Variants in TMEM240 observed in about 807,000 individuals in gnomAD.
TMEM240 encodes transmembrane protein C1orf70.
In TMEM240, 3 loss-of-function variants were observed where a neutral mutation model predicts 19.5. That is an observed-to-expected ratio of 0.15 (90% confidence interval 0.07 to 0.40). TMEM240 has a LOEUF of 0.40. TMEM240 is among the 10% of genes least tolerant of loss of function. The probability of loss-of-function intolerance (pLI) is 1.00; values close to 1 mark genes in which losing one functional copy is unlikely to be tolerated. For synonymous variants in TMEM240, 123 were observed against 109.3 expected (o/e 1.13, Z -0.78); for missense variants, 210 against 253.5 (o/e 0.83, Z 1.17).
At chr1:1,540,040 CAGGCCGGGGTGGGGGGAGCGT>C (rs1489834278) in intron 1 of TMEM240, among the ~76,000 whole-genome samples, 3 of 41,920 alleles carry the variant, frequency 7.2e-5, no homozygotes, top group African/African-American at 1.0e-4. Context: ...GGGGGAAGCG[CAGGCCGGGGTGGGGGGAGCGT>C]AGGCCGGAGA....
At position 1,535,894 on chromosome 1, in the gene TMEM240, GCCGCCCT is replaced by G. The variant is rs2100695759; in HGVS notation, c.165-104_165-98del. 21 of 679,874 alleles carry G rather than the reference GCCGCCCT, an allele frequency of 3.1e-5. No individual in the cohort carries two copies. Among genetic ancestry groups the G allele is most frequent in the East Asian group, 5.5e-5 (1 of 18,322 alleles). The allele number at this position is 679,874 out of a possible 1,614,324, so 42.1% of individuals were successfully genotyped here. A position where few individuals can be genotyped will look rare whatever the true frequency, so the allele number is the denominator to read the frequency against. ...CGTGGTGGGGGTGTGACCGCGTCAG[GCCGCCCT>G]GGGGGTTCTCTGAAGCAGCCTCTTG... On this transcript the variant is annotated intron_variant, in intron 2 of 3. Coordinates refer to ENST00000378733, the MANE Select transcript of TMEM240 (RefSeq NM_001114748.2). This position sits in a 1 kb window ranked among gnomAD's most constrained non-coding sequence, Gnocchi z 8.2.
In TMEM240 at chr1:1,540,284, G is replaced by A; in HGVS notation, c.57+6C>T. ...GGGGGCGCGCGCGGGAAGCCCCTCC[G>A]CTCACCATCACGACCGACGCCCCCA... On this transcript the variant is annotated splice_donor_region_variant and intron_variant, in intron 1 of 3. Coordinates refer to ENST00000378733, the MANE Select transcript of TMEM240 (RefSeq NM_001114748.2). The A allele has an allele frequency of 7.5e-7, 1 of 1,335,838 alleles. No homozygotes were observed. Among genetic ancestry groups the A allele is most frequent in the Middle Eastern group, 2.0e-4 (1 of 4,888 alleles). The allele number at this position is 1,335,838 out of a possible 1,614,324, so 82.7% of individuals were successfully genotyped here. A position where few individuals can be genotyped will look rare whatever the true frequency, so the allele number is the denominator to read the frequency against.
At chr1:1,539,653 C>A (rs1642270847) in intron 2 of TMEM240, 31 bp downstream of exon 2, 1 of 1,526,624 alleles carries the variant, frequency 6.6e-7, no homozygotes, top group African/African-American at 1.4e-5. Context: ...TGCGCTCACG[C>A]GTGTCGAGCC....
intron 2 of TMEM240, among the ~76,000 whole-genome samples, chr1:1,537,517 G>A (rs1279992218): frequency 1.3e-5 from 2 of 152,092 alleles, no homozygotes; most frequent in African/African-American, 2.4e-5. Context: ...GCTGGCCTGG[G>A]TACCTGTAGC....
intron 1 of TMEM240, 94 bp downstream of exon 1, chr1:1,540,196 G>T: frequency 1.2e-6 from 1 of 803,524 alleles, no homozygotes; most frequent in Non-Finnish European, 1.7e-6. Flanking sequence ...GGGGAGCGCA[G>T]GCCGCACGGG....
chr1:1,540,193 G>A (rs1292246533), intron 1 of TMEM240, 97 bp downstream of exon 1: 39 of 700,176 alleles, frequency 5.6e-5, no homozygotes, highest in Non-Finnish European at 6.5e-5. Context: ...GGAGGGGAGC[G>A]CAGGCCGCAC....
rs1642222880 is a variant in TMEM240, at chr1:1,536,431, G to A, written c.165-634C>T. Among the ~76,000 whole-genome samples the A allele has an allele frequency of 6.6e-6, 1 of 152,158 alleles. No homozygotes were observed. The highest frequency in any genetic ancestry group is 1.5e-5 in the Non-Finnish European group (1 of 68,014). Reference sequence around the variant, plus strand: ...GCACCCCATCCTCTCCCCTTCCTGGGGGACGCCCCCTTGCCCTTGCCTGGC... The same window carrying A: ...GCACCCCATCCTCTCCCCTTCCTGGAGGACGCCCCCTTGCCCTTGCCTGGC... On this transcript the variant is annotated intron_variant, in intron 2 of 3. Coordinates refer to ENST00000378733, the MANE Select transcript of TMEM240 (RefSeq NM_001114748.2). The surrounding 1 kb of genome is among the most constrained non-coding windows in gnomAD (Gnocchi z 5.4).
At chr1:1,539,625 T>A in intron 2 of TMEM240, 59 bp downstream of exon 2, 1 of 1,457,798 alleles carries the variant, frequency 6.9e-7, no homozygotes, top group Non-Finnish European at 9.4e-7. Context: ...GCGCCCCGAG[T>A]GGGCCCCGCC....
At position 1,535,234 on chromosome 1, in the gene TMEM240, A is replaced by C; in HGVS notation, c.*125T>G. On this transcript the variant is annotated 3_prime_UTR_variant, in exon 4 of 4. Coordinates refer to ENST00000378733, the MANE Select transcript of TMEM240 (RefSeq NM_001114748.2). This position sits in a 1 kb window ranked among gnomAD's most constrained non-coding sequence, Gnocchi z 8.2. ...TTCCACTGGACTCTCCCGGCCGGCC[A>C]CAGCCCCGGACAACCTGGGCCCAGG... is the stretch of plus-strand genomic sequence containing the variant. 1.1e-6 allele frequency: 1 copy of C among 943,450 alleles called. No homozygotes were observed. The highest frequency in any genetic ancestry group is 1.4e-6 in the Non-Finnish European group (1 of 706,322). The allele number at this position is 943,450 out of a possible 1,614,324, so 58.4% of individuals were successfully genotyped here. A position where few individuals can be genotyped will look rare whatever the true frequency, so the allele number is the denominator to read the frequency against.
rs371563411 is a variant in TMEM240, at chr1:1,535,355, C to A, written c.*4G>T. Reference sequence around the variant, plus strand: ...TCGGTGGCCCCGGTAAGTCCCCGTGCGGCTCACAGGTGCCGCGGGCTGGGG... The same window carrying A: ...TCGGTGGCCCCGGTAAGTCCCCGTGAGGCTCACAGGTGCCGCGGGCTGGGG... On this transcript the variant is annotated 3_prime_UTR_variant, in exon 4 of 4. Transcript: ENST00000378733. The surrounding 1 kb of genome is among the most constrained non-coding windows in gnomAD (Gnocchi z 8.2). The A allele has an allele frequency of 1.9e-6, 3 of 1,548,694 alleles. No individual in the cohort carries two copies. Among genetic ancestry groups the A allele is most frequent in the African/African-American group, 2.7e-5 (2 of 72,802 alleles).
intron 2 of TMEM240, 121 bp downstream of exon 2, chr1:1,539,563 C>T: frequency 1.2e-6 from 1 of 827,736 alleles, no homozygotes; most frequent in Non-Finnish European, 1.9e-6. Context: ...GCGCACCTGG[C>T]AGCCCTCAAG....
chr1:1,535,072 G>T lies in TMEM240; in HGVS notation c.*287C>A, dbSNP rs1369703915. 18 of 26,200 alleles carry T rather than the reference G, an allele frequency of 6.9e-4. No homozygotes were observed. Among genetic ancestry groups the T allele is most frequent in the Non-Finnish European group, 1.1e-3 (17 of 15,172 alleles). The allele number at this position is 26,200 out of a possible 1,614,324, so 1.6% of individuals were successfully genotyped here. A position where few individuals can be genotyped will look rare whatever the true frequency, so the allele number is the denominator to read the frequency against. On this transcript the variant is annotated 3_prime_UTR_variant, in exon 4 of 4. Coordinates refer to ENST00000378733, the MANE Select transcript of TMEM240 (RefSeq NM_001114748.2). The surrounding 1 kb of genome is among the most constrained non-coding windows in gnomAD (Gnocchi z 8.2). The stretch of plus-strand genomic sequence containing the variant: ...CCCCCAGGACCCTCCCTGCCCCCCA[G>T]GACCCTCCCTGCCCCCCAGCACCGC...
Position 1,535,422 on chromosome 1 carries a change from C to G in TMEM240, c.459G>C (p.Gly153=). ...GTTTCTGCTTCACGTGTACCATGTT[C>G]CCGGCGGCCTCCTCGAAGGGCCTGT... ...RPHRPFEEAA[G]NMVHVKQKLY... The change falls in exon 4 of 4, where the codon GGG becomes GGC. Residue 153 remains glycine (G), a synonymous_variant. Transcript: ENST00000378733. The surrounding 1 kb of genome is among the most constrained non-coding windows in gnomAD (Gnocchi z 8.2). 6.5e-7 allele frequency: 1 copy of G among 1,549,690 alleles called. No homozygotes were observed. The highest frequency in any genetic ancestry group is 1.2e-5 in the South Asian group (1 of 84,012).
chr1:1,537,358 T>C (rs1388383621), intron 2 of TMEM240, among the ~76,000 whole-genome samples: 10 of 152,072 alleles, frequency 6.6e-5, no homozygotes, highest in Admixed American at 6.5e-4. Context: ...TCGTCACCAA[T>C]GGGCAGCTGC....
Position 1,535,767 on chromosome 1 carries a change from G to T in TMEM240, c.195C>A (p.Asp65Glu). The T allele has an allele frequency of 6.5e-7, 1 of 1,550,142 alleles. No homozygotes were observed. Among genetic ancestry groups the T allele is most frequent in the Non-Finnish European group, 8.7e-7 (1 of 1,146,622 alleles). The change falls in exon 3 of 4, where the codon GAC becomes GAA. Residue 65 changes from aspartate (D) to glutamate (E), a missense_variant. Coordinates refer to ENST00000378733, the MANE Select transcript of TMEM240 (RefSeq NM_001114748.2). The surrounding 1 kb of genome is among the most constrained non-coding windows in gnomAD (Gnocchi z 8.2). ...RHHIHYVIPY[D>E]GDQSVVDASE... is the part of the protein sequence containing the mutation. ...AGGCGTCCACCACCGACTGGTCCCC[G>T]TCGTACGGGATCACGTAGTGGATAT...
rs1228020885 is a variant in TMEM240 at position 1,535,854 on chromosome 1, C to T, written c.165-57G>A. ...CCGCCACCCCCGGCCTGGCCTTCCC[C>T]CGGGGCGCCTACCCCGTGGTGGGGG... On this transcript the variant is annotated intron_variant, in intron 2 of 3. Coordinates refer to ENST00000378733, the MANE Select transcript of TMEM240 (RefSeq NM_001114748.2). The surrounding 1 kb of genome is among the most constrained non-coding windows in gnomAD (Gnocchi z 8.2). The T allele has an allele frequency of 5.4e-6, 8 of 1,468,434 alleles. No individual in the cohort carries two copies. Among genetic ancestry groups the T allele is most frequent in the Non-Finnish European group, 7.4e-6 (8 of 1,080,168 alleles). The allele number at this position is 1,468,434 out of a possible 1,614,324, so 91.0% of individuals were successfully genotyped here.
In TMEM240 at chr1:1,535,427, C is replaced by T. The variant is rs146206869; in HGVS notation, c.454G>A (p.Ala152Thr). ...TGCTTCACGTGTACCATGTTCCCGG[C>T]GGCCTCCTCGAAGGGCCTGTGCGGC... ...RRPHRPFEEA[A>T]GNMVHVKQKL... The change falls in exon 4 of 4, where the codon GCC (alanine) becomes ACC (threonine). Residue 152 changes from alanine (A) to threonine (T), a missense_variant. Around this residue, in one of 3 missense-constraint regions of TMEM240, gnomAD observed 157 missense variants for 168.2 expected, o/e 0.93. Transcript: ENST00000378733. The surrounding 1 kb of genome is among the most constrained non-coding windows in gnomAD (Gnocchi z 8.2). 0.034 allele frequency: 52,130 copies of T among 1,549,654 alleles called. 1,069 individuals carry two copies. Among genetic ancestry groups the T allele is most frequent in the South Asian group, 0.037 (3,086 of 84,020 alleles).
chr1:1,538,352 C>T (rs942429346), intron 2 of TMEM240, among the ~76,000 whole-genome samples: 3 of 152,244 alleles, frequency 2.0e-5, no homozygotes, highest in South Asian at 4.1e-4. Context: ...CCCGAGTCCA[C>T]GCGTGCTCTG....
Position 1,535,883 on chromosome 1 carries a change from G to A in TMEM240, c.165-86C>T. On this transcript the variant is annotated intron_variant, in intron 2 of 3. Transcript: ENST00000378733. This position sits in a 1 kb window ranked among gnomAD's most constrained non-coding sequence, Gnocchi z 8.2. ...GGCGCCTACCCCGTGGTGGGGGTGT[G>A]ACCGCGTCAGGCCGCCCTGGGGGTT... 5.3e-6 allele frequency: 5 copies of A among 946,458 alleles called. No homozygotes were observed. Among genetic ancestry groups the A allele is most frequent in the Non-Finnish European group, 4.5e-6 (3 of 663,854 alleles). 58.6% of individuals were successfully genotyped at this position (946,458 alleles called of 1,614,324 possible).
Sources: allele counts gnomAD v4.1 joint callset (sites outside exome capture counted in the v4.1 genomes callset), GRCh38; gene constraint gnomAD v4.1.1; regional missense constraint gnomAD v4.1.1; non-coding constraint Gnocchi (gnomAD v3.1); transcripts MANE v1.5; gene names NCBI Gene and HGNC (gene_info 2026-07-23, HGNC 2026-07-21).